Variants in AGPAT4 observed in about 807,000 individuals in gnomAD.
AGPAT4 encodes the protein 1-acyl-sn-glycerol-3-phosphate acyltransferase delta.
A neutral mutation model predicts 48.0 loss-of-function variants in AGPAT4; 15 were observed. That is an observed-to-expected ratio of 0.31 (90% CI 0.21 to 0.48). The LOEUF (loss-of-function observed/expected upper bound fraction) is 0.48. Among genes scored for constraint, AGPAT4 ranks in the 20% least tolerant of loss-of-function variants. The pLI is 0.99. For synonymous variants in AGPAT4, 178 were observed against 198.7 expected (o/e 0.90, Z 0.88); for missense variants, 314 against 482.5 (o/e 0.65, Z 3.27).
Position 161,161,876 on chromosome 6 carries a change from G to A in AGPAT4, c.348+4372C>T, listed in dbSNP as rs533198755. On this transcript the variant is annotated intron_variant, in intron 3 of 8. Transcript: ENST00000320285. The surrounding 1 kb of genome is among the most constrained non-coding windows in gnomAD (Gnocchi z 4.6). ...CACAGGGCTTTATGGGCGCCCTCAC[G>A]CACAGGCACTCTGCCTAGGAGGGAT... 33 of 253,066 alleles carry A rather than the reference G, an allele frequency of 1.3e-4. No homozygotes were observed. The highest frequency in any genetic ancestry group is 2.1e-4 in the South Asian group (4 of 18,644). 15.7% of individuals were successfully genotyped at this position (253,066 alleles called of 1,614,324 possible). A position where few individuals can be genotyped will look rare whatever the true frequency, so the allele number is the denominator to read the frequency against.
intron 2 of AGPAT4, among the ~76,000 whole-genome samples, chr6:161,213,778 C>T (rs147493785): frequency 4.9e-4 from 74 of 152,186 alleles, no homozygotes; most frequent in South Asian, 4.1e-3. Flanking sequence ...CATAGAATAA[C>T]CTTATAAAAA....
chr6:161,239,046 G>A (rs768314922), intron 1 of AGPAT4, among the ~76,000 whole-genome samples: 2 of 152,172 alleles, frequency 1.3e-5, no homozygotes, highest in Non-Finnish European at 2.9e-5. Flanking sequence ...ATGTTAAAGT[G>A]CAAGCGAGAC....
Position 161,154,058 on chromosome 6 carries a change from C to T in AGPAT4, c.510+91G>A. ...AGCCCTGGAGTCGCACAGGACCACA[C>T]AGTCACGTGTCCTGTGGAAGTCACA... On this transcript the variant is annotated intron_variant, in intron 4 of 8. Coordinates refer to ENST00000320285, the MANE Select transcript of AGPAT4 (RefSeq NM_020133.3). The surrounding 1 kb of genome is among the most constrained non-coding windows in gnomAD (Gnocchi z 7.8). 1 of 1,536,836 alleles carries T rather than the reference C, an allele frequency of 6.5e-7. No individual in the cohort carries two copies. Among genetic ancestry groups the T allele is most frequent in the South Asian group, 1.1e-5 (1 of 88,166 alleles).
intron 5 of AGPAT4, among the ~76,000 whole-genome samples, chr6:161,151,280 A>G (rs549678295): frequency 3.9e-5 from 6 of 152,342 alleles, no homozygotes; most frequent in African/African-American, 1.4e-4. Context: ...TGCCTTCCTG[A>G]GTCCTGTGAG....
chr6:161,130,717 C>A lies in AGPAT4; in HGVS notation c.*5823G>T. The A allele has an allele frequency of 2.6e-6, 1 of 388,234 alleles. No individual in the cohort carries two copies. The highest frequency in any genetic ancestry group is 2.0e-5 in the South Asian group (1 of 49,896). The allele number at this position is 388,234 out of a possible 1,614,324, so 24.0% of individuals were successfully genotyped here. ...CCTGGGCCAGCCTTGCTGTGTTTGCCTCAGATGCGAGTAAGGAAGCTCCAG... is the reference window on the plus strand; with the variant it reads ...CCTGGGCCAGCCTTGCTGTGTTTGCATCAGATGCGAGTAAGGAAGCTCCAG... On this transcript the variant is annotated 3_prime_UTR_variant, in exon 9 of 9. Coordinates refer to ENST00000320285, the MANE Select transcript of AGPAT4 (RefSeq NM_020133.3).
chr6:161,163,027 C>T (rs541303197), intron 3 of AGPAT4, among the ~76,000 whole-genome samples: 4 of 152,382 alleles, frequency 2.6e-5, no homozygotes, highest in South Asian at 4.1e-4. Context: ...AGAGCCCTGG[C>T]ACATGCCAGG....
At chr6:161,269,276 C>T (rs1783356238) in intron 1 of AGPAT4, among the ~76,000 whole-genome samples, 1 of 152,110 alleles carries the variant, frequency 6.6e-6, no homozygotes, top group African/African-American at 2.4e-5. Flanking sequence ...TCCACTCTTC[C>T]CATTTAGTTA....
At position 161,139,726 on chromosome 6, in the gene AGPAT4, G is replaced by C. The variant is rs967899102; in HGVS notation, c.844-106C>G. 1 of 1,007,488 alleles carries C rather than the reference G, an allele frequency of 9.9e-7. No individual in the cohort carries two copies. The highest frequency in any genetic ancestry group is 1.6e-5 in the African/African-American group (1 of 61,940). The allele number at this position is 1,007,488 out of a possible 1,614,324, so 62.4% of individuals were successfully genotyped here. On this transcript the variant is annotated intron_variant, in intron 7 of 8. Transcript: ENST00000320285. This position sits in a 1 kb window ranked among gnomAD's most constrained non-coding sequence, Gnocchi z 9.1. Reference sequence around the variant, plus strand: ...ATCGCAGAGATACACAGGTGCCACCGGGGCTCGGCAGAACTGGGGTCTGCA... The same window carrying C: ...ATCGCAGAGATACACAGGTGCCACCCGGGCTCGGCAGAACTGGGGTCTGCA...
At position 161,159,411 on chromosome 6, in the gene AGPAT4, C is replaced by T. The variant is rs1002906511; in HGVS notation, c.349-5101G>A. Among the ~76,000 whole-genome samples, 1 of 152,166 alleles carries T rather than the reference C, an allele frequency of 6.6e-6. No homozygotes were observed. The highest frequency in any genetic ancestry group is 1.5e-5 in the Non-Finnish European group (1 of 68,038). Reference sequence around the variant, plus strand: ...CCAGAGTCTAGTGGGAAGGGAGAAGCAGAAAGCTTTCAGTTTCTGTGTTCC... The same window carrying T: ...CCAGAGTCTAGTGGGAAGGGAGAAGTAGAAAGCTTTCAGTTTCTGTGTTCC... On this transcript the variant is annotated intron_variant, in intron 3 of 8. Coordinates refer to ENST00000320285, the MANE Select transcript of AGPAT4 (RefSeq NM_020133.3). This position sits in a 1 kb window ranked among gnomAD's most constrained non-coding sequence, Gnocchi z 4.1.
chr6:161,240,757 T>C lies in AGPAT4; in HGVS notation c.-89-8455A>G, dbSNP rs1357313457. Among the ~76,000 whole-genome samples the C allele has an allele frequency of 1.3e-5, 2 of 152,126 alleles. No homozygotes were observed. The highest frequency in any genetic ancestry group is 3.9e-4 in the East Asian group (2 of 5,188). On this transcript the variant is annotated intron_variant, in intron 1 of 8. Coordinates refer to ENST00000320285, the MANE Select transcript of AGPAT4 (RefSeq NM_020133.3). The surrounding 1 kb of genome is among the most constrained non-coding windows in gnomAD (Gnocchi z 5.5). ...CCAGCACTCCTTCAGGTCGGATGAA[T>C]GTGGCCAAAGTCTCCACCAGGGCGG... is the stretch of plus-strand genomic sequence containing the variant.
In AGPAT4 at chr6:161,222,440, T is replaced by A. The variant is rs949416878; in HGVS notation, c.178+9596A>T. 1.3e-5 allele frequency among the ~76,000 whole-genome samples: 2 copies of A among 152,210 alleles called. No individual in the cohort carries two copies. Among genetic ancestry groups the A allele is most frequent in the Non-Finnish European group, 1.5e-5 (1 of 68,020 alleles). ...TGACAACTTTACTTCCAGTCTATATTTATAAAATTGGTATTAGAATGTACC... is the reference window on the plus strand; with the variant it reads ...TGACAACTTTACTTCCAGTCTATATATATAAAATTGGTATTAGAATGTACC... On this transcript the variant is annotated intron_variant, in intron 2 of 8. Coordinates refer to ENST00000320285, the MANE Select transcript of AGPAT4 (RefSeq NM_020133.3). The surrounding 1 kb of genome is among the most constrained non-coding windows in gnomAD (Gnocchi z 5.9).
At position 161,232,341 on chromosome 6, in the gene AGPAT4, G is replaced by T; in HGVS notation, c.-89-39C>A. The T allele has an allele frequency of 2.1e-6, 2 of 941,200 alleles. No homozygotes were observed. The highest frequency in any genetic ancestry group is 5.8e-5 in the Admixed American group (2 of 34,276). The allele number at this position is 941,200 out of a possible 1,614,324, so 58.3% of individuals were successfully genotyped here. A position where few individuals can be genotyped will look rare whatever the true frequency, so the allele number is the denominator to read the frequency against. On this transcript the variant is annotated intron_variant, in intron 1 of 8. Transcript: ENST00000320285. This position sits in a 1 kb window ranked among gnomAD's most constrained non-coding sequence, Gnocchi z 6.8. ...AAATAGGAAATGTTAGCAAAAACAC[G>T]ATGTGCTTTTAGAGTCAGAAAAAAA...
chr6:161,139,745 G>T lies in AGPAT4; in HGVS notation c.844-125C>A. The T allele has an allele frequency of 3.9e-6, 3 of 776,738 alleles. No homozygotes were observed. The highest frequency in any genetic ancestry group is 6.1e-6 in the Non-Finnish European group (3 of 489,004). 48.1% of individuals were successfully genotyped at this position (776,738 alleles called of 1,614,324 possible). On this transcript the variant is annotated intron_variant, in intron 7 of 8. Transcript: ENST00000320285. The surrounding 1 kb of genome is among the most constrained non-coding windows in gnomAD (Gnocchi z 9.1). ...GCCACCGGGGCTCGGCAGAACTGGG[G>T]TCTGCAGCTCCTTCCAGAAAGCACT...
chr6:161,188,524 A>C (rs1780831964), intron 2 of AGPAT4, among the ~76,000 whole-genome samples: 1 of 152,226 alleles, frequency 6.6e-6, no homozygotes, highest in Non-Finnish European at 1.5e-5. Context: ...ATTACATTTG[A>C]ATTTCAGATA....
chr6:161,258,372 G>A (rs1433098243), intron 1 of AGPAT4, among the ~76,000 whole-genome samples: 1 of 152,152 alleles, frequency 6.6e-6, no homozygotes, highest in Non-Finnish European at 1.5e-5. Flanking sequence ...ATACCTGAGA[G>A]TATCCAACAA....
chr6:161,209,762 C>T (rs1781474831), intron 2 of AGPAT4, among the ~76,000 whole-genome samples: 1 of 152,078 alleles, frequency 6.6e-6, no homozygotes, highest in Admixed American at 6.6e-5. Context: ...AGCAGGTGTT[C>T]AACCGACGTT....
intron 2 of AGPAT4, among the ~76,000 whole-genome samples, chr6:161,188,247 T>G (rs3798929): frequency 0.44 from 67,360 of 152,120 alleles, 15,404 homozygotes; most frequent in East Asian, 0.72. Context: ...CATTGATTGC[T>G]TCCATATCTC....
At chr6:161,156,399 A>C (rs560808037) in intron 3 of AGPAT4, among the ~76,000 whole-genome samples, 10 of 152,184 alleles carry the variant, frequency 6.6e-5, no homozygotes, top group Non-Finnish European at 1.2e-4. Context: ...ACAAAACCTA[A>C]AATATTCATT....
chr6:161,208,291 C>T lies in AGPAT4; in HGVS notation c.178+23745G>A, dbSNP rs3757024. Among the ~76,000 whole-genome samples, 18,257 of 152,154 alleles carry T rather than the reference C, an allele frequency of 0.12. 1,560 individuals are homozygous for T. The highest frequency in any genetic ancestry group is 0.27 in the East Asian group (1,379 of 5,162). On this transcript the variant is annotated intron_variant, in intron 2 of 8. Transcript: ENST00000320285. This position sits in a 1 kb window ranked among gnomAD's most constrained non-coding sequence, Gnocchi z 4.6. ...AGTATTCAGAGACTCTCTCCAGATG[C>T]GCCCTCTGTGGAACTTCCCTAACAA... is the stretch of plus-strand genomic sequence containing the variant.
Sources: gnomAD v4.1 joint callset for allele counts (sites outside exome capture counted in the v4.1 genomes callset) on GRCh38, gnomAD v4.1.1 for gene constraint, Gnocchi (gnomAD v3.1) non-coding constraint, MANE v1.5 for transcripts, NCBI Gene and HGNC (gene_info 2026-07-23, HGNC 2026-07-21) for gene names.